The following ARHGAP20 variants were observed in gnomAD, a reference collection of about 807,000 sequenced individuals.
The protein encoded by ARHGAP20 is rho GTPase-activating protein 20.
A neutral mutation model predicts 73.7 loss-of-function variants in ARHGAP20; 34 were observed. That is an observed-to-expected ratio of 0.46 (90% confidence interval 0.35 to 0.61). The LOEUF is 0.61. Ranked by LOEUF, ARHGAP20 falls within the 20% of genes least tolerant of loss-of-function variation. The probability of loss-of-function intolerance (pLI) is 0.00; values close to 1 mark genes in which losing one functional copy is unlikely to be tolerated. For synonymous variants in ARHGAP20, 523 were observed against 518.2 expected (o/e 1.01, Z -0.13); for missense variants, 1,314 against 1,420.9 (o/e 0.92, Z 1.21).
Position 110,700,588 on chromosome 11 carries a change from TTTTA to T in ARHGAP20, c.106-9963_106-9960del, listed in dbSNP as rs1334054011. On this transcript the variant is annotated intron_variant, in intron 1 of 14. Coordinates refer to ENST00000683387, the MANE Select transcript of ARHGAP20 (RefSeq NM_001384657.1). The stretch of plus-strand genomic sequence containing the variant: ...TACTTTTTTTTTTCTTTCTTTTTTA[TTTTA>T]TTTATTATTATTATACTTTAAGTTT... Among the ~76,000 whole-genome samples the T allele has an allele frequency of 4.6e-5, 7 of 151,796 alleles. No homozygotes were observed. In the South Asian group the frequency reaches 1.0e-3, roughly 23 times the overall value.
At chr11:110,634,144 G>A (rs527866535) in intron 2 of ARHGAP20, among the ~76,000 whole-genome samples, 1 of 152,208 alleles carries the variant, frequency 6.6e-6, no homozygotes, top group East Asian at 1.9e-4. Flanking sequence ...AGGTGTCTTG[G>A]GGTAAAAAGT....
At chr11:110,711,809 G>C (rs1950664792) in intron 1 of ARHGAP20, 1 of 1,342,240 alleles carries the variant, frequency 7.5e-7, no homozygotes, top group Non-Finnish European at 9.5e-7. Flanking sequence ...GCCCACTACA[G>C]CCCGCGCGCC....
intron 1 of ARHGAP20, chr11:110,690,845 G>T: frequency 1.1e-6 from 1 of 924,812 alleles, no homozygotes; most frequent in Non-Finnish European, 1.6e-6. Context: ...AAAGCAATAA[G>T]TATTTTTTGT....
At chr11:110,710,658 C>A (rs1350243678) in intron 1 of ARHGAP20, among the ~76,000 whole-genome samples, 2 of 152,158 alleles carry the variant, frequency 1.3e-5, no homozygotes, top group Non-Finnish European at 2.9e-5. Flanking sequence ...AAACCGCAGC[C>A]TCAATACATC....
chr11:110,702,112 T>C (rs1950464557), intron 1 of ARHGAP20, among the ~76,000 whole-genome samples: 1 of 152,076 alleles, frequency 6.6e-6, no homozygotes, highest in Non-Finnish European at 1.5e-5. Context: ...ATATCCTTGA[T>C]GAACACTGAT....
intron 1 of ARHGAP20, among the ~76,000 whole-genome samples, chr11:110,698,200 C>T (rs1431043828): frequency 1.3e-5 from 2 of 151,738 alleles, no homozygotes; most frequent in African/African-American, 4.8e-5. Flanking sequence ...GTTTTTAGTT[C>T]TGTGTATGTG....
At position 110,579,286 on chromosome 11, in the gene ARHGAP20, T is replaced by A; in HGVS notation, c.*84A>T. ...ATCCTTATGCTACCTCTCCCAGGTA[T>A]CTTATACAAAGGGGTCATAATAATT... On this transcript the variant is annotated 3_prime_UTR_variant, in exon 15 of 15. Coordinates refer to ENST00000683387, the MANE Select transcript of ARHGAP20 (RefSeq NM_001384657.1). 6.8e-7 allele frequency: 1 copy of A among 1,473,064 alleles called. No homozygotes were observed. Among genetic ancestry groups the A allele is most frequent in the Non-Finnish European group, 9.0e-7 (1 of 1,111,616 alleles). 91.2% of individuals were successfully genotyped at this position (1,473,064 alleles called of 1,614,324 possible).
At chr11:110,665,079 T>C (rs1488986544) in intron 2 of ARHGAP20, among the ~76,000 whole-genome samples, 4 of 152,014 alleles carry the variant, frequency 2.6e-5, no homozygotes, top group Admixed American at 1.3e-4. Context: ...GAAGTGCCCA[T>C]AAAACAATAA....
intron 9 of ARHGAP20, among the ~76,000 whole-genome samples, chr11:110,593,984 T>A (rs1947891690): frequency 1.3e-5 from 2 of 152,238 alleles, no homozygotes; most frequent in Non-Finnish European, 2.9e-5. Context: ...CATTCCCTGA[T>A]AATGAAATAC....
chr11:110,641,368 C>T (rs886671661), intron 2 of ARHGAP20, among the ~76,000 whole-genome samples: 1 of 151,954 alleles, frequency 6.6e-6, no homozygotes, highest in African/African-American at 2.4e-5. Flanking sequence ...AACCTTGACA[C>T]AGAAGTTGTT....
intron 9 of ARHGAP20, among the ~76,000 whole-genome samples, chr11:110,598,324 G>A (rs549449537): frequency 5.9e-5 from 9 of 152,232 alleles, no homozygotes; most frequent in African/African-American, 2.2e-4. Flanking sequence ...AACCTACTTT[G>A]GGCATAGAGC....
chr11:110,652,436 G>A (rs1009467184), intron 2 of ARHGAP20, among the ~76,000 whole-genome samples: 4 of 152,082 alleles, frequency 2.6e-5, no homozygotes, highest in African/African-American at 9.7e-5. Flanking sequence ...AGGAAGAAAG[G>A]AAGTAAAATT....
chr11:110,588,155 G>A (rs1947721061), intron 11 of ARHGAP20, among the ~76,000 whole-genome samples: 1 of 152,116 alleles, frequency 6.6e-6, no homozygotes, highest in Non-Finnish European at 1.5e-5. Flanking sequence ...AACAAGTTAC[G>A]AAATACCACC....
At chr11:110,616,451 T>C (rs1227702913) in intron 4 of ARHGAP20, among the ~76,000 whole-genome samples, 1 of 152,134 alleles carries the variant, frequency 6.6e-6, no homozygotes, top group East Asian at 1.9e-4. Flanking sequence ...TGGCTCACTG[T>C]AGGCTTGAAC....
At chr11:110,636,166 G>A (rs2134971872) in intron 2 of ARHGAP20, among the ~76,000 whole-genome samples, 1 of 152,084 alleles carries the variant, frequency 6.6e-6, no homozygotes, top group South Asian at 2.1e-4. Context: ...TAAGTTTTGT[G>A]GGCCATGCCA....
intron 2 of ARHGAP20, among the ~76,000 whole-genome samples, chr11:110,631,471 C>A (rs142465059): frequency 6.6e-6 from 1 of 152,056 alleles, no homozygotes; most frequent in East Asian, 1.9e-4. Flanking sequence ...TTTTATATAT[C>A]GAAGTATTTT....
At chr11:110,665,649 G>A (rs757718710) in intron 2 of ARHGAP20, among the ~76,000 whole-genome samples, 27 of 152,150 alleles carry the variant, frequency 1.8e-4, no homozygotes, top group Non-Finnish European at 2.8e-4. Flanking sequence ...ACAAAACAGA[G>A]TGCCTTGAGA....
intron 11 of ARHGAP20, 63 bp downstream of exon 11, chr11:110,590,585 A>G: frequency 1.4e-6 from 2 of 1,466,150 alleles, no homozygotes; most frequent in Admixed American, 4.7e-5. Context: ...ATAATGAAAA[A>G]GTAAAACACC....
At chr11:110,705,871 G>A (rs11213555) in intron 1 of ARHGAP20, among the ~76,000 whole-genome samples, 3,312 of 152,204 alleles carry the variant, frequency 0.022, 118 homozygotes, top group African/African-American at 0.076. Flanking sequence ...CCAATAGCAA[G>A]CAAGGCTGAG....
Sources: allele counts gnomAD v4.1 joint callset (sites outside exome capture counted in the v4.1 genomes callset), GRCh38; gene constraint gnomAD v4.1.1; transcripts MANE v1.5; gene names NCBI Gene and HGNC (gene_info 2026-07-23, HGNC 2026-07-21).